The following LRRC28 variants were observed in gnomAD, a reference collection of about 807,000 sequenced individuals.
LRRC28 encodes leucine rich repeat containing 28.
LRRC28 carries 39 observed loss-of-function variants against 45.7 expected under a neutral mutation model. The ratio of observed to expected loss-of-function variants is 0.85; its 90% CI spans 0.66 to 1.12. LRRC28 has a LOEUF of 1.12. Ranked by LOEUF, LRRC28 falls within the 50% of genes most tolerant of loss-of-function variation. The probability of loss-of-function intolerance (pLI) is 0.00; values close to 1 mark genes in which losing one functional copy is unlikely to be tolerated. For missense variants in LRRC28, 435 were observed against 438.5 expected (o/e 0.99, Z 0.07); for synonymous variants, 206 against 178.8 (o/e 1.15, Z -1.22).
intron 3 of LRRC28, among the ~76,000 whole-genome samples, chr15:99,279,033 C>G (rs780680145): frequency 2.6e-5 from 4 of 152,214 alleles, no homozygotes; most frequent in Non-Finnish European, 5.9e-5. Context: ...TCAGAGCAAG[C>G]AAGCCAAAGA....
chr15:99,284,742 T>A (rs771128893), intron 3 of LRRC28: 2 of 523,548 alleles, frequency 3.8e-6, no homozygotes, highest in South Asian at 1.4e-5. Flanking sequence ...CTGCCACCAT[T>A]GTCCTCCCTT....
intron 5 of LRRC28, among the ~76,000 whole-genome samples, chr15:99,289,777 C>CA (rs1393752918): frequency 1.4e-5 from 2 of 147,352 alleles, no homozygotes; most frequent in South Asian, 2.2e-4. Context: ...ACTAAAAATA[C>CA]AAAAAATTAG....
At chr15:99,293,890 A>G (rs1482697557) in intron 5 of LRRC28, among the ~76,000 whole-genome samples, 8 of 152,138 alleles carry the variant, frequency 5.3e-5, no homozygotes, top group Non-Finnish European at 1.5e-5. Flanking sequence ...GAACTATCTC[A>G]GTTTTTCTTT....
intron 6 of LRRC28, among the ~76,000 whole-genome samples, chr15:99,343,696 C>CA: frequency 6.6e-6 from 1 of 152,196 alleles, no homozygotes; most frequent in South Asian, 2.1e-4. Flanking sequence ...CGTGATGTAT[C>CA]TATTGTAAGG....
chr15:99,362,102 TG>T (rs2152326650), intron 8 of LRRC28, among the ~76,000 whole-genome samples: 1 of 152,344 alleles, frequency 6.6e-6, no homozygotes, highest in South Asian at 2.1e-4. Context: ...TGTGGGTGTA[TG>T]TCTGAAATGC....
chr15:99,316,602 G>A (rs1052254384), intron 5 of LRRC28, among the ~76,000 whole-genome samples: 7 of 152,034 alleles, frequency 4.6e-5, no homozygotes, highest in South Asian at 2.1e-4. Context: ...ATGTGCCATA[G>A]GGGGCTGAAG....
chr15:99,385,980 A>G (rs1957974785), intron 9 of LRRC28, 50 bp from the exon 10 acceptor site: 5 of 1,529,846 alleles, frequency 3.3e-6, no homozygotes, highest in East Asian at 2.2e-5. Flanking sequence ...AGAATCAGAG[A>G]CTTTAATCTT....
chr15:99,296,667 A>AG (rs1167582081), intron 5 of LRRC28, among the ~76,000 whole-genome samples: 1 of 152,122 alleles, frequency 6.6e-6, no homozygotes, highest in Non-Finnish European at 1.5e-5. Context: ...GCATGACTGG[A>AG]GGGGGGACTT....
At chr15:99,284,952 A>G in intron 3 of LRRC28, 2 of 615,474 alleles carry the variant, frequency 3.2e-6, no homozygotes, top group Non-Finnish European at 6.2e-6. Flanking sequence ...ATTCCCATCA[A>G]AACCACCTCC....
intron 2 of LRRC28, among the ~76,000 whole-genome samples, chr15:99,267,071 G>A (rs560371634): frequency 1.3e-5 from 2 of 152,258 alleles, no homozygotes; most frequent in African/African-American, 4.8e-5. Flanking sequence ...TTTATAATTT[G>A]GAGTCAGTTA....
chr15:99,372,332 C>G (rs1436355137), intron 9 of LRRC28, among the ~76,000 whole-genome samples: 1 of 152,142 alleles, frequency 6.6e-6, no homozygotes, highest in East Asian at 1.9e-4. Flanking sequence ...CTCAAAGATT[C>G]TAAAGCAACA....
intron 5 of LRRC28, among the ~76,000 whole-genome samples, chr15:99,332,789 A>G (rs2152292896): frequency 6.6e-6 from 1 of 152,356 alleles, no homozygotes; most frequent in South Asian, 2.1e-4. Flanking sequence ...ACTCTTACCC[A>G]GTAGAGAAGA....
chr15:99,272,159 T>A (rs2081499079), intron 2 of LRRC28, among the ~76,000 whole-genome samples: 1 of 152,256 alleles, frequency 6.6e-6, no homozygotes, highest in African/African-American at 2.4e-5. Flanking sequence ...TTCTTTGAAA[T>A]GTGTTGTTAG....
chr15:99,264,026 A>C (rs772293653), intron 2 of LRRC28, among the ~76,000 whole-genome samples: 8 of 152,236 alleles, frequency 5.3e-5, no homozygotes, highest in African/African-American at 1.9e-4. Context: ...CAGGGCCACA[A>C]AGAAAATGAA....
At chr15:99,284,175 G>T (rs924169293) in intron 3 of LRRC28, among the ~76,000 whole-genome samples, 1 of 152,170 alleles carries the variant, frequency 6.6e-6, no homozygotes, top group African/African-American at 2.4e-5. Context: ...TGTACATCAG[G>T]ATTATTTGAG....
rs2152294458 is a variant in LRRC28, at chr15:99,334,128, T to C, written c.591T>C (p.Leu197=). ...GAAACCGTCTTGCATTTTTGCCACT[T>C]GGTAAGTGATTGTGTTTAAAGTAAA... is the stretch of plus-strand genomic sequence containing the variant. The part of the protein sequence containing the change: ...MAGNRLAFLP[L]DLGRSRELQY... The change falls in exon 6 of 10, where the codon CTT becomes CTC. Residue 197 remains leucine (L), a splice_region_variant and synonymous_variant. Coordinates refer to ENST00000301981, the MANE Select transcript of LRRC28 (RefSeq NM_144598.5). The C allele has an allele frequency of 1.9e-6, 3 of 1,614,106 alleles. 1 individual carries two copies. The East Asian group carries it at 6.7e-5, about 36-fold the overall frequency.
Position 99,275,981 on chromosome 15 carries a change from G to A in LRRC28, c.169-595G>A, listed in dbSNP as rs148991833. On this transcript the variant is annotated intron_variant, in intron 2 of 9. Transcript: ENST00000301981. ...GCCACTCCCTGTGGCTTGCATTACCGCTTGAATGCCACCTCCTGTCCCATC... is the reference window on the plus strand; with the variant it reads ...GCCACTCCCTGTGGCTTGCATTACCACTTGAATGCCACCTCCTGTCCCATC... 9.6e-3 allele frequency among the ~76,000 whole-genome samples: 1,464 copies of A among 152,186 alleles called. 32 individuals carry two copies. Among genetic ancestry groups the A allele is most frequent in the South Asian group, 0.064 (310 of 4,812 alleles).
At chr15:99,293,612 A>ACCT (rs1567635330) in intron 5 of LRRC28, among the ~76,000 whole-genome samples, 1 of 140,038 alleles carries the variant, frequency 7.1e-6, no homozygotes, top group African/African-American at 2.7e-5. Flanking sequence ...AAAAAAAAAA[A>ACCT]AAAAAAAAAA....
Position 99,333,987 on chromosome 15 carries a change from C to G in LRRC28, c.450C>G (p.Pro150=), listed in dbSNP as rs762852282. Residue 150 remains proline, a synonymous_variant, in exon 6 of 10, where the codon CCC becomes CCG. Coordinates refer to ENST00000301981, the MANE Select transcript of LRRC28 (RefSeq NM_144598.5). ...DISTNRLLTL[P]ERLHMCLSLQ... is the part of the protein sequence containing the mutation. ...CTACCAATCGTTTGCTAACTTTACC[C>G]GAGAGGCTTCACATGTGCCTTTCTC... The G allele has an allele frequency of 3.1e-6, 5 of 1,614,092 alleles. No individual in the cohort carries two copies. The highest frequency in any genetic ancestry group is 3.4e-6 in the Non-Finnish European group (4 of 1,180,006).
Sources: gnomAD v4.1 joint callset for allele counts (sites outside exome capture counted in the v4.1 genomes callset) on GRCh38, gnomAD v4.1.1 for gene constraint, MANE v1.5 for transcripts, NCBI Gene and HGNC (gene_info 2026-07-23, HGNC 2026-07-21) for gene names.